GRIK1: variants seen among roughly 807,000 people sequenced by gnomAD.
The protein encoded by GRIK1 is glutamate receptor ionotropic, kainate 1.
In GRIK1, 69 loss-of-function variants were observed where a neutral mutation model predicts 105.7. That is an observed-to-expected ratio of 0.65 (90% CI 0.54 to 0.80). GRIK1 has a LOEUF of 0.80. Ranked by LOEUF, GRIK1 falls within the 30% of genes least tolerant of loss-of-function variation. The pLI is 0.00. For missense variants in GRIK1, 1,109 were observed against 1,167.3 expected (o/e 0.95, Z 0.73); for synonymous variants, 438 against 431.3 (o/e 1.02, Z -0.19).
intron 14 of GRIK1, among the ~76,000 whole-genome samples, chr21:29,576,497 C>G (rs2090897302): frequency 6.6e-6 from 1 of 152,128 alleles, no homozygotes; most frequent in Non-Finnish European, 1.5e-5. Context: ...ATTCCAATAT[C>G]AACACGTTTT....
chr21:29,673,296 C>A, intron 3 of GRIK1, 132 bp from the exon 4 acceptor site: 2 of 553,600 alleles, frequency 3.6e-6, no homozygotes, highest in South Asian at 2.6e-5. Flanking sequence ...ACACTCCTGA[C>A]TTCCCATTTG....
At chr21:29,829,327 G>T (rs1023910323) in intron 1 of GRIK1, among the ~76,000 whole-genome samples, 1 of 152,162 alleles carries the variant, frequency 6.6e-6, no homozygotes, top group Non-Finnish European at 1.5e-5. Context: ...TCTTCTTGAA[G>T]CAAAGGGAAT....
chr21:29,663,263 A>G (rs1341587816), intron 4 of GRIK1, among the ~76,000 whole-genome samples: 2 of 152,224 alleles, frequency 1.3e-5, no homozygotes, highest in African/African-American at 2.4e-5. Flanking sequence ...GATCCCAAAT[A>G]AAAGCATATG....
chr21:29,665,292 A>T (rs1022582225), intron 4 of GRIK1, among the ~76,000 whole-genome samples: 1 of 152,224 alleles, frequency 6.6e-6, no homozygotes, highest in East Asian at 1.9e-4. Context: ...ATTTAATAAT[A>T]TACTCGTAAC....
intron 13 of GRIK1, among the ~76,000 whole-genome samples, chr21:29,580,837 C>A (rs1204316629): frequency 6.6e-6 from 1 of 152,006 alleles, no homozygotes; most frequent in Non-Finnish European, 1.5e-5. Context: ...AGCAGAATCC[C>A]CGAATTCATA....
At chr21:29,772,374 C>T (rs2065834183) in intron 1 of GRIK1, among the ~76,000 whole-genome samples, 2 of 152,198 alleles carry the variant, frequency 1.3e-5, no homozygotes, top group African/African-American at 4.8e-5. Context: ...ACAACAGCAT[C>T]AACACTCAGG....
intron 3 of GRIK1, among the ~76,000 whole-genome samples, chr21:29,680,170 A>G (rs2063343704): frequency 1.3e-5 from 2 of 152,208 alleles, no homozygotes; most frequent in Non-Finnish European, 2.9e-5. Flanking sequence ...AATAGATAAA[A>G]TGCATGCAGT....
At chr21:29,765,187 G>A (rs1354995867) in intron 1 of GRIK1, among the ~76,000 whole-genome samples, 1 of 152,086 alleles carries the variant, frequency 6.6e-6, no homozygotes, top group East Asian at 1.9e-4. Context: ...AGAAGTCAAA[G>A]ACCTTTATTT....
At chr21:29,926,026 C>A (rs1365682612) in intron 1 of GRIK1, among the ~76,000 whole-genome samples, 2 of 151,198 alleles carry the variant, frequency 1.3e-5, no homozygotes, top group African/African-American at 2.4e-5. Context: ...TCCAAGAGTG[C>A]TTTTAGAGAT....
intron 9 of GRIK1, among the ~76,000 whole-genome samples, chr21:29,594,212 C>G (rs2061370875): frequency 6.6e-6 from 1 of 151,960 alleles, no homozygotes; most frequent in South Asian, 2.1e-4. Context: ...TGTGTATGTG[C>G]ACGCATGTGT....
chr21:29,552,406 G>T (rs1276622274), intron 16 of GRIK1, among the ~76,000 whole-genome samples: 1 of 152,204 alleles, frequency 6.6e-6, no homozygotes, highest in East Asian at 1.9e-4. Context: ...GGTTGAGTTA[G>T]CATGGAAATT....
chr21:29,875,683 T>A (rs2069167642), intron 1 of GRIK1, among the ~76,000 whole-genome samples: 1 of 152,192 alleles, frequency 6.6e-6, no homozygotes, highest in Non-Finnish European at 1.5e-5. Flanking sequence ...GCCCTTCATA[T>A]GTTTATTTTA....
chr21:29,649,344 A>G (rs1458748388), intron 6 of GRIK1, among the ~76,000 whole-genome samples: 2 of 152,172 alleles, frequency 1.3e-5, no homozygotes, highest in Non-Finnish European at 2.9e-5. Flanking sequence ...GCAGCACCTT[A>G]GTGAGCTACC....
At chr21:29,659,551 C>CG (rs1318011935) in intron 4 of GRIK1, among the ~76,000 whole-genome samples, 3 of 152,102 alleles carry the variant, frequency 2.0e-5, no homozygotes, top group Admixed American at 6.6e-5. Flanking sequence ...ATGCTTTCTC[C>CG]GTATCATGCT....
At chr21:29,610,584 A>C (rs1401469737) in intron 7 of GRIK1, among the ~76,000 whole-genome samples, 1 of 152,178 alleles carries the variant, frequency 6.6e-6, no homozygotes, top group Non-Finnish European at 1.5e-5. Flanking sequence ...GACCTTGTGA[A>C]AGGCAAGGGA....
chr21:29,541,452 A>T (rs923391867), intron 16 of GRIK1, among the ~76,000 whole-genome samples: 2 of 152,186 alleles, frequency 1.3e-5, no homozygotes, highest in African/African-American at 4.8e-5. Context: ...TGATAATTCA[A>T]TGTACTGTTA....
In GRIK1 at chr21:29,767,960, A is replaced by T. The variant is rs148776312; in HGVS notation, c.119-73897T>A. Among the ~76,000 whole-genome samples, 284 of 152,016 alleles carry T rather than the reference A, an allele frequency of 1.9e-3. 7 individuals are homozygous for T. In the East Asian group the frequency reaches 0.025, roughly 13 times the overall value. On this transcript the variant is annotated intron_variant, in intron 1 of 17. Coordinates refer to ENST00000327783, the MANE Select transcript of GRIK1 (RefSeq NM_001330994.2). Reference sequence around the variant, plus strand: ...GACAGAACATTTGTATTTTACTTCCATGACTTGCCTTTTTGGCTTCACTCC... The same window carrying T: ...GACAGAACATTTGTATTTTACTTCCTTGACTTGCCTTTTTGGCTTCACTCC...
chr21:29,817,143 A>T (rs1305566802), intron 1 of GRIK1, among the ~76,000 whole-genome samples: 1 of 152,118 alleles, frequency 6.6e-6, no homozygotes, highest in Non-Finnish European at 1.5e-5. Flanking sequence ...ATGGGGACAC[A>T]TTGGAAGGGC....
chr21:29,915,126 C>T (rs1420030322), intron 1 of GRIK1, among the ~76,000 whole-genome samples: 2 of 151,870 alleles, frequency 1.3e-5, no homozygotes, highest in Non-Finnish European at 2.9e-5. Flanking sequence ...TGTATATGTG[C>T]TCATTTTCAA....
Sources: allele counts gnomAD v4.1 joint callset (sites outside exome capture counted in the v4.1 genomes callset), GRCh38; gene constraint gnomAD v4.1.1; transcripts MANE v1.5; gene names NCBI Gene and HGNC (gene_info 2026-07-23, HGNC 2026-07-21).